DENND4C: variants seen among roughly 807,000 people sequenced by gnomAD.
DENND4C encodes the protein DENN domain-containing protein 4C.
Under a neutral mutation model 203.0 loss-of-function variants are expected in DENND4C, and 108 were observed. The ratio of observed to expected loss-of-function variants is 0.53; its 90% CI spans 0.46 to 0.62. The LOEUF is 0.62. Among genes scored for constraint, DENND4C ranks in the 20% least tolerant of loss-of-function variants. DENND4C has a pLI of 0.00. For missense variants in DENND4C, 2,481 were observed against 2,301.2 expected, an observed-to-expected ratio of 1.08 and a Z score of -1.60; for synonymous variants, 871 against 792.4, an observed-to-expected ratio of 1.10 and a Z score of -1.67.
At chr9:19,314,856 C>T (rs1353189481) in intron 10 of DENND4C, among the ~76,000 whole-genome samples, 1 of 151,972 alleles carries the variant, frequency 6.6e-6, no homozygotes, top group African/African-American at 2.4e-5. Context: ...ACAACTGTAG[C>T]ATTTTGGGTT....
intron 1 of DENND4C, among the ~76,000 whole-genome samples, chr9:19,272,499 C>G (rs117170615): frequency 6.6e-6 from 1 of 152,014 alleles, no homozygotes; most frequent in African/African-American, 2.4e-5. Flanking sequence ...GCAATCCTCC[C>G]TCCCACCTCG....
Position 19,332,147 on chromosome 9 carries a change from T to C in DENND4C, c.2423T>C (p.Ile808Thr), listed in dbSNP as rs756223939. 4 of 1,614,004 alleles carry C rather than the reference T, an allele frequency of 2.5e-6. No individual in the cohort carries two copies. Among genetic ancestry groups the C allele is most frequent in the Non-Finnish European group, 3.4e-6 (4 of 1,179,946 alleles). The change falls in exon 17 of 33, where the codon ATT (isoleucine) becomes ACT (threonine). Residue 808 changes from isoleucine to threonine, a missense_variant. Around this residue, in one of 3 missense-constraint regions of DENND4C, gnomAD observed 2,289 missense variants for 2,113.3 expected, o/e 1.08. Transcript: ENST00000434457. The stretch of plus-strand genomic sequence containing the variant: ...CTTCAGCAGGCATATGATGTACTTA[T>C]TAAGATGAGGAAAACAGATGTGGAT... ...RALQQAYDVL[I>T]KMRKTDVDPL...
chr9:19,280,656 T>TA (rs1833865516), intron 2 of DENND4C, among the ~76,000 whole-genome samples: 1 of 152,050 alleles, frequency 6.6e-6, no homozygotes, highest in Non-Finnish European at 1.5e-5. Context: ...GCCAGGTACT[T>TA]ATTTTGTGTT....
rs974118860 is a variant in DENND4C at position 19,305,888 on chromosome 9, G to T, written c.1487+361G>T. On this transcript the variant is annotated intron_variant, in intron 10 of 32. Transcript: ENST00000434457. ...CAAAATCCATATGTAAGTAAAATGG[G>T]TTTACCCATTGGAGATAAAGTTTGG... Among the ~76,000 whole-genome samples the T allele has an allele frequency of 2.6e-5, 4 of 152,144 alleles. No homozygotes were observed. In the East Asian group the frequency reaches 7.7e-4, roughly 29 times the overall value.
At chr9:19,336,897 A>C in intron 20 of DENND4C, 65 bp downstream of exon 20, 5 of 1,461,402 alleles carry the variant, frequency 3.4e-6, no homozygotes, top group Non-Finnish European at 4.6e-6. Flanking sequence ...CTTTTTCAAA[A>C]AGCTTCTTCC....
chr9:19,297,918 TTTAC>T, intron 6 of DENND4C, 134 bp from the exon 7 acceptor site: 1 of 612,490 alleles, frequency 1.6e-6, no homozygotes, highest in Non-Finnish European at 2.7e-6. Flanking sequence ...ATGGAGCAAA[TTTAC>T]TTACTTAGCC....
intron 1 of DENND4C, among the ~76,000 whole-genome samples, chr9:19,266,964 T>A (rs1830629705): frequency 6.6e-6 from 1 of 152,198 alleles, no homozygotes; most frequent in Non-Finnish European, 1.5e-5. Context: ...CACATCGTGG[T>A]CAGAGACCTA....
intron 12 of DENND4C, among the ~76,000 whole-genome samples, chr9:19,317,552 C>CT (rs778953038): frequency 6.0e-4 from 92 of 152,158 alleles, no homozygotes; most frequent in Non-Finnish European, 2.2e-4. Flanking sequence ...CTTCTCTGTG[C>CT]TTTTTACCTA....
chr9:19,237,311 G>A (rs928944734), intron 1 of DENND4C, among the ~76,000 whole-genome samples: 3 of 151,722 alleles, frequency 2.0e-5, no homozygotes, highest in East Asian at 2.0e-4. Flanking sequence ...GAGCCACCAC[G>A]CCCGGCCGAC....
At chr9:19,368,844 AT>A (rs1167215487) in intron 30 of DENND4C, among the ~76,000 whole-genome samples, 1 of 152,070 alleles carries the variant, frequency 6.6e-6, no homozygotes, top group Non-Finnish European at 1.5e-5. Context: ...AGTAAATACA[AT>A]TTTTACTTAT....
chr9:19,287,959 C>T (rs1835545826), intron 3 of DENND4C, among the ~76,000 whole-genome samples: 1 of 152,208 alleles, frequency 6.6e-6, no homozygotes, highest in Non-Finnish European at 1.5e-5. Flanking sequence ...TGGTCTTGAT[C>T]TCTTGACCTT....
At chr9:19,370,590 G>C (rs189680991) in intron 31 of DENND4C, among the ~76,000 whole-genome samples, 1 of 152,212 alleles carries the variant, frequency 6.6e-6, no homozygotes, top group African/African-American at 2.4e-5. Context: ...ATAAACTTAC[G>C]TACCACTTAT....
rs376422834 is a variant in DENND4C at position 19,275,036 on chromosome 9, G to T, written c.-17-1122G>T. ...CTGTTGTCCAGGCTGGAGTGCAGTGGCACGATCCTGGCTCACTGCAAACCT... is the reference window on the plus strand; with the variant it reads ...CTGTTGTCCAGGCTGGAGTGCAGTGTCACGATCCTGGCTCACTGCAAACCT... On this transcript the variant is annotated intron_variant, in intron 1 of 32. Coordinates refer to ENST00000434457, the MANE Select transcript of DENND4C (RefSeq NM_001330640.2). Among the ~76,000 whole-genome samples the T allele has an allele frequency of 3.9e-5, 6 of 152,154 alleles. No individual in the cohort carries two copies. In the East Asian group the frequency reaches 9.6e-4, roughly 24 times the overall value.
intron 26 of DENND4C, among the ~76,000 whole-genome samples, 162 bp from the exon 27 acceptor site, chr9:19,356,810 A>AGAGAGAGAGAGAGAGAGTGAGAGAGT (rs1447525810): frequency 1.4e-5 from 2 of 146,600 alleles, no homozygotes; most frequent in African/African-American, 5.2e-5. Context: ...AGAGAGAGAG[A>AGAGAGAGAGAGAGAGAGTGAGAGAGT]GAGAGAGTGA....
chr9:19,286,476 C>T (rs1039595542), intron 2 of DENND4C, among the ~76,000 whole-genome samples: 2 of 152,038 alleles, frequency 1.3e-5, no homozygotes, highest in African/African-American at 4.8e-5. Flanking sequence ...TTTCTTTTTT[C>T]ATATGTTTCT....
At chr9:19,264,533 C>T (rs534239850) in intron 1 of DENND4C, among the ~76,000 whole-genome samples, 1 of 152,170 alleles carries the variant, frequency 6.6e-6, no homozygotes, top group Non-Finnish European at 1.5e-5. Context: ...TCTTGAACTC[C>T]TCACCTCAAG....
chr9:19,329,200 A>C (rs1818535462), intron 16 of DENND4C, among the ~76,000 whole-genome samples: 1 of 152,166 alleles, frequency 6.6e-6, no homozygotes. Flanking sequence ...GAAAGTTTGC[A>C]TCCTTTAGCC....
At chr9:19,322,377 G>T (rs573764473) in intron 12 of DENND4C, among the ~76,000 whole-genome samples, 1 of 152,264 alleles carries the variant, frequency 6.6e-6, no homozygotes, top group South Asian at 2.1e-4. Context: ...TGAGAGTATT[G>T]ACAAAACAGT....
Position 19,336,285 on chromosome 9 carries a change from C to T in DENND4C, c.2605C>T (p.Pro869Ser), listed in dbSNP as rs1381213363. 1 of 1,612,972 alleles carries T rather than the reference C, an allele frequency of 6.2e-7. No homozygotes were observed. Among genetic ancestry groups the T allele is most frequent in the African/African-American group, 1.3e-5 (1 of 74,800 alleles). ...TTACCTTTAGGTAGTCTTGGAGAGC[C>T]CGTGGCCTAGCAGTACCCGCAGTGG... ...GYYNKVVLES[P>S]WPSSTRSGIF... is the part of the protein sequence containing the mutation. The change falls in exon 19 of 33, where the codon CCG becomes TCG. Residue 869 changes from proline to serine, a missense_variant. This residue lies in a region of DENND4C where 2,289 missense variants were observed against 2,113.3 expected (regional missense o/e 1.08). Transcript: ENST00000434457.
Sources: allele counts gnomAD v4.1 joint callset (sites outside exome capture counted in the v4.1 genomes callset), GRCh38; gene constraint gnomAD v4.1.1; regional missense constraint gnomAD v4.1.1; transcripts MANE v1.5; gene names NCBI Gene and HGNC (gene_info 2026-07-23, HGNC 2026-07-21).